RAF1: variants seen among roughly 807,000 people sequenced by gnomAD.
RAF1 encodes the protein Raf-1 proto-oncogene, serine/threonine kinase.
RAF1 carries 27 observed loss-of-function variants against 81.1 expected under a neutral mutation model. The ratio of observed to expected loss-of-function variants is 0.33; its 90% CI spans 0.25 to 0.46. The LOEUF is 0.46. RAF1 is among the 20% of genes least tolerant of loss of function. The pLI is 1.00. For synonymous variants in RAF1, 298 were observed against 294.0 expected (o/e 1.01, Z -0.14); for missense variants, 598 against 826.0 (o/e 0.72, Z 3.38).
intron 1 of RAF1, among the ~76,000 whole-genome samples, chr3:12,642,586 G>A (rs1331188264): frequency 6.6e-6 from 1 of 150,966 alleles, no homozygotes; most frequent in Non-Finnish European, 1.5e-5. Context: ...AAAGGATGAA[G>A]CCAGTTTCTC....
At chr3:12,608,012 T>C (rs1229719661) in intron 5 of RAF1, among the ~76,000 whole-genome samples, 4 of 149,080 alleles carry the variant, frequency 2.7e-5, no homozygotes, top group African/African-American at 9.9e-5. Flanking sequence ...TAAAAGCTTG[T>C]GCCATTTGTG....
chr3:12,618,640 T>C lies in RAF1; in HGVS notation c.82A>G (p.Ile28Val), dbSNP rs1470487278. 1 of 1,614,230 alleles carries C rather than the reference T, an allele frequency of 6.2e-7. No homozygotes were observed. The highest frequency in any genetic ancestry group is 8.5e-7 in the Non-Finnish European group (1 of 1,180,044). Residue 28 changes from isoleucine (I) to valine (V), a missense_variant, in exon 2 of 18, where the codon ATC becomes GTC. Transcript: ENST00000442415. ...AACTGCTGAACTATTGTAGGAGAGA[T>C]GCAGCTGGAGCCATCAAACACGGCA...
intron 11 of RAF1, among the ~76,000 whole-genome samples, chr3:12,598,748 AAAAAAC>A (rs1375272991): frequency 9.9e-5 from 14 of 142,098 alleles, no homozygotes; most frequent in Non-Finnish European, 1.7e-4. Flanking sequence ...AAAAAAAAAA[AAAAAAC>A]CACCAAGTAC....
Position 12,584,500 on chromosome 3 carries a change from A to G in RAF1, c.*14T>C, listed in dbSNP as rs2125315451. 6.2e-7 allele frequency: 1 copy of G among 1,614,200 alleles called. No homozygotes were observed. Among genetic ancestry groups the G allele is most frequent in the East Asian group, 2.2e-5 (1 of 44,886 alleles). The stretch of plus-strand genomic sequence containing the variant: ...CCTCCTCCCCTGGCAGCCTGAAGAC[A>G]GGTGCAAAGTCAACTAGAAGACAGG... On this transcript the variant is annotated 3_prime_UTR_variant, in exon 18 of 18. Coordinates refer to ENST00000442415, the MANE Select transcript of RAF1 (RefSeq NM_001354689.3).
intron 1 of RAF1, among the ~76,000 whole-genome samples, chr3:12,653,036 C>T (rs2060582569): frequency 6.6e-6 from 1 of 152,008 alleles, no homozygotes; most frequent in Non-Finnish European, 1.5e-5. Context: ...AAGCCCAGCA[C>T]TTTGGGAGGA....
rs2125343625 is a variant in RAF1 at position 12,590,966 on chromosome 3, C to T, written c.1262G>A (p.Arg421Gln). Residue 421 changes from arginine (R) to glutamine (Q), a missense_variant, in exon 13 of 18, where the codon CGG becomes CAG. Physicochemically the swap from Arg to Gln is conservative, Grantham distance 43. Transcript: ENST00000442415. ...CATGAAAAGCAGAATGTTCACATGC[C>T]GTGTTTTGCTGGGGAGGGGAGGGGA... 1 of 1,609,042 alleles carries T rather than the reference C, an allele frequency of 6.2e-7. No individual in the cohort carries two copies. The highest frequency in any genetic ancestry group is 8.5e-7 in the Non-Finnish European group (1 of 1,176,030).
chr3:12,604,049 T>A (rs1015347452), intron 7 of RAF1, 87 bp downstream of exon 7: 76 of 1,469,648 alleles, frequency 5.2e-5, no homozygotes, highest in Non-Finnish European at 6.9e-5. Context: ...CATTCCTTGA[T>A]CAGATTTGAA....
chr3:12,583,607 C>CTAAATTTAATTTATTT lies in RAF1; in HGVS notation c.*891_*906dup, dbSNP rs1440424634. 2 of 230,828 alleles carry CTAAATTTAATTTATTT rather than the reference C, an allele frequency of 8.7e-6. No individual in the cohort carries two copies. The highest frequency in any genetic ancestry group is 1.7e-5 in the Non-Finnish European group (2 of 116,666). 14.3% of individuals were successfully genotyped at this position (230,828 alleles called of 1,614,324 possible). A position where few individuals can be genotyped will look rare whatever the true frequency, so the allele number is the denominator to read the frequency against. Reference sequence around the variant, plus strand: ...AGGAGGTAACAGCCAGCCATTACACCTAAATTTAATTTATTTTATTAAAAT... The same window carrying CTAAATTTAATTTATTT: ...AGGAGGTAACAGCCAGCCATTACACCTAAATTTAATTTATTTTAAATTTAATTTATTTTATTAAAAT... On this transcript the variant is annotated 3_prime_UTR_variant, in exon 18 of 18. Coordinates refer to ENST00000442415, the MANE Select transcript of RAF1 (RefSeq NM_001354689.3).
chr3:12,663,709 G>A lies in RAF1; in HGVS notation c.-27+104C>T, dbSNP rs3821611. Reference sequence around the variant, plus strand: ...CCAAGCCCTCTGCCCGGCAGCCGCGGGGCCGCTCCATCAGCGCCACCCAGG... The same window carrying A: ...CCAAGCCCTCTGCCCGGCAGCCGCGAGGCCGCTCCATCAGCGCCACCCAGG... On this transcript the variant is annotated intron_variant, in intron 1 of 17. Transcript: ENST00000442415. 0.45 allele frequency: 175,067 copies of A among 392,526 alleles called. 42,469 individuals are homozygous for A. Among genetic ancestry groups the A allele is most frequent in the East Asian group, 0.87 (24,171 of 27,800 alleles). 24.3% of individuals were successfully genotyped at this position (392,526 alleles called of 1,614,324 possible).
intron 1 of RAF1, among the ~76,000 whole-genome samples, chr3:12,639,617 T>G (rs1303340230): frequency 2.6e-5 from 4 of 151,950 alleles, no homozygotes; most frequent in Non-Finnish European, 5.9e-5. Flanking sequence ...GAACTCTCAT[T>G]CACAATTGCT....
chr3:12,613,437 C>T lies in RAF1; in HGVS notation c.208-1375G>A, dbSNP rs964032715. Among the ~76,000 whole-genome samples the T allele has an allele frequency of 4.6e-5, 7 of 151,260 alleles. No homozygotes were observed. In the South Asian group the frequency reaches 1.1e-3, roughly 23 times the overall value. ...CCCCGCCATCCCCCCCCACACCCCGCCCCCAGAAGGTGGTGAGTGTATGCA... is the reference window on the plus strand; with the variant it reads ...CCCCGCCATCCCCCCCCACACCCCGTCCCCAGAAGGTGGTGAGTGTATGCA... On this transcript the variant is annotated intron_variant, in intron 2 of 17. Coordinates refer to ENST00000442415, the MANE Select transcript of RAF1 (RefSeq NM_001354689.3).
chr3:12,583,985 ACC>A lies in RAF1; in HGVS notation c.*527_*528del. 1.2e-5 allele frequency: 3 copies of A among 251,370 alleles called. No homozygotes were observed. Among genetic ancestry groups the A allele is most frequent in the South Asian group, 1.3e-4 (1 of 7,902 alleles). 15.6% of individuals were successfully genotyped at this position (251,370 alleles called of 1,614,324 possible). On this transcript the variant is annotated 3_prime_UTR_variant, in exon 18 of 18. Transcript: ENST00000442415. ...TGTCCCCTAAGAAAAGTTCCATAGT[ACC>A]AAAGCAGGCTCCTTCGGGCGGCCAG...
chr3:12,636,788 CAG>C (rs2060045874), intron 1 of RAF1, among the ~76,000 whole-genome samples: 1 of 151,740 alleles, frequency 6.6e-6, no homozygotes. Context: ...GCCTGGGTAA[CAG>C]AGCAAGACCT....
intron 5 of RAF1, 36 bp from the exon 6 acceptor site, chr3:12,606,335 T>C: frequency 6.8e-7 from 1 of 1,481,220 alleles, no homozygotes; most frequent in East Asian, 2.3e-5. Context: ...TTTTTAGGCT[T>C]GCAGTAATCT....
intron 1 of RAF1, among the ~76,000 whole-genome samples, chr3:12,652,052 AAATG>A (rs1317170327): frequency 1.2e-3 from 157 of 130,564 alleles, no homozygotes; most frequent in African/African-American, 3.7e-3. Flanking sequence ...ATAAATAAAT[AAATG>A]ATATAAAAAA....
intron 1 of RAF1, among the ~76,000 whole-genome samples, chr3:12,643,343 T>C (rs776642277): frequency 2.6e-5 from 4 of 152,266 alleles, no homozygotes; most frequent in African/African-American, 4.8e-5. Context: ...ACAGATTATA[T>C]AGCAGGCACA....
intron 11 of RAF1, among the ~76,000 whole-genome samples, chr3:12,596,088 G>A (rs1379566882): frequency 6.6e-6 from 1 of 151,770 alleles, no homozygotes; most frequent in Non-Finnish European, 1.5e-5. Flanking sequence ...GTCCAGGCTG[G>A]TCTCGATCTC....
In RAF1 at chr3:12,604,193, G is replaced by T. The variant is rs2058953937; in HGVS notation, c.777C>A (p.Ser259=). 6.2e-7 allele frequency: 1 copy of T among 1,614,112 alleles called. No homozygotes were observed. ...TGCTGACCATGTGGACATTAGGTGT[G>T]GATGTCGACCTCTGCCTCTGGGAGA... The change falls in exon 7 of 18, where the codon TCC becomes TCA. Residue 259 remains serine, a synonymous_variant. Transcript: ENST00000442415.
intron 1 of RAF1, among the ~76,000 whole-genome samples, chr3:12,646,031 A>G (rs990180893): frequency 1.3e-5 from 2 of 152,198 alleles, no homozygotes; most frequent in Non-Finnish European, 2.9e-5. Flanking sequence ...CTAAACAACA[A>G]AGGATTTAGC....
Sources: gnomAD v4.1 joint callset for allele counts (sites outside exome capture counted in the v4.1 genomes callset) on GRCh38, gnomAD v4.1.1 for gene constraint, MANE v1.5 for transcripts, NCBI Gene and HGNC (gene_info 2026-07-23, HGNC 2026-07-21) for gene names.